The following AP2M1 variants were observed in gnomAD, a reference collection of about 807,000 sequenced individuals.
AP2M1 encodes the protein AP-2 complex subunit mu.
In AP2M1, 5 loss-of-function variants were observed where a neutral mutation model predicts 54.5. That is an observed-to-expected ratio of 0.09 (90% confidence interval 0.05 to 0.19). The LOEUF (loss-of-function observed/expected upper bound fraction) is 0.19, where lower values mean the gene tolerates loss of function less well. AP2M1 is among the 10% of genes least tolerant of loss of function. The probability of loss-of-function intolerance (pLI) is 1.00; values close to 1 mark genes in which losing one functional copy is unlikely to be tolerated. For missense variants in AP2M1, 178 were observed against 580.2 expected (o/e 0.31, Z 7.12); for synonymous variants, 186 against 208.2 (o/e 0.89, Z 0.92).
chr3:184,177,475 A>G lies in AP2M1; in HGVS notation c.74+408A>G, dbSNP rs1715111160. Reference sequence around the variant, plus strand: ...GCTCTCAGAAGCCCTTCCCATATCAAACGCCTTCACTGGATTCTGTTGAAA... The same window carrying G: ...GCTCTCAGAAGCCCTTCCCATATCAGACGCCTTCACTGGATTCTGTTGAAA... On this transcript the variant is annotated intron_variant, in intron 2 of 11. Transcript: ENST00000292807. 2.8e-6 allele frequency: 4 copies of G among 1,438,146 alleles called. No homozygotes were observed. The African/African-American group carries it at 5.6e-5, about 20-fold the overall frequency. The allele number at this position is 1,438,146 out of a possible 1,614,324, so 89.1% of individuals were successfully genotyped here.
intron 2 of AP2M1, chr3:184,177,632 CTG>C (rs1186275943): frequency 9.8e-6 from 15 of 1,533,608 alleles, no homozygotes; most frequent in Non-Finnish European, 1.3e-5. Context: ...CTCTGGGTCA[CTG>C]TGGGAGGGCA....
At position 184,183,374 on chromosome 3, in the gene AP2M1, C is replaced by T. The variant is rs1715336751; in HGVS notation, c.1174-108C>T. 1 of 1,517,934 alleles carries T rather than the reference C, an allele frequency of 6.6e-7. No homozygotes were observed. Among genetic ancestry groups the T allele is most frequent in the Non-Finnish European group, 8.9e-7 (1 of 1,125,190 alleles). 94.0% of individuals were successfully genotyped at this position (1,517,934 alleles called of 1,614,324 possible). A position where few individuals can be genotyped will look rare whatever the true frequency, so the allele number is the denominator to read the frequency against. ...CCCCAGCTTCTTTCAGGACCCCAGCCATACAAACACCTGTAGTAGCGATGA... is the reference window on the plus strand; with the variant it reads ...CCCCAGCTTCTTTCAGGACCCCAGCTATACAAACACCTGTAGTAGCGATGA... On this transcript the variant is annotated intron_variant, in intron 11 of 11. Transcript: ENST00000292807. This position sits in a 1 kb window ranked among gnomAD's most constrained non-coding sequence, Gnocchi z 5.7.
intron 3 of AP2M1, 62 bp downstream of exon 3, chr3:184,179,184 G>T: frequency 6.3e-7 from 1 of 1,584,176 alleles, no homozygotes; most frequent in Non-Finnish European, 8.6e-7. Flanking sequence ...GCTGGGCCTG[G>T]CCTGAAGGTG....
In AP2M1 at chr3:184,180,039, A is replaced by T; in HGVS notation, c.341-130A>T. On this transcript the variant is annotated intron_variant, in intron 3 of 11. Transcript: ENST00000292807. This position sits in a 1 kb window ranked among gnomAD's most constrained non-coding sequence, Gnocchi z 4.9. ...ACAAATCACAGAATAAATGCTACAA[A>T]GCTAGAAGACTTTCTTGCGGATGAT... 2.7e-6 allele frequency: 2 copies of T among 753,942 alleles called. No homozygotes were observed. Among genetic ancestry groups the T allele is most frequent in the East Asian group, 5.3e-5 (2 of 37,708 alleles). The allele number at this position is 753,942 out of a possible 1,614,324, so 46.7% of individuals were successfully genotyped here. A position where few individuals can be genotyped will look rare whatever the true frequency, so the allele number is the denominator to read the frequency against.
In AP2M1 at chr3:184,179,006, C is replaced by T; in HGVS notation, c.224C>T (p.Ala75Val). 6.2e-7 allele frequency: 1 copy of T among 1,614,228 alleles called. No individual in the cohort carries two copies. Among genetic ancestry groups the T allele is most frequent in the South Asian group, 1.1e-5 (1 of 91,084 alleles). Reference protein sequence around the residue: ...LAAVTKQNVNAAMVFEFLYKM... With the variant: ...LAAVTKQNVNVAMVFEFLYKM... ...GCAGTCACCAAGCAGAATGTCAACG[C>T]TGCCATGGTCTTCGAATTCCTCTAT... The change falls in exon 3 of 12, where the codon GCT becomes GTT. Residue 75 changes from alanine (A) to valine (V), a missense_variant. Physicochemically the swap from Ala to Val is moderately conservative, Grantham distance 64. Coordinates refer to ENST00000292807, the MANE Select transcript of AP2M1 (RefSeq NM_004068.4).
At position 184,180,507 on chromosome 3, in the gene AP2M1, T is replaced by C. The variant is rs1715237551; in HGVS notation, c.424-138T>C. 7.2e-7 allele frequency: 1 copy of C among 1,383,370 alleles called. No individual in the cohort carries two copies. Among genetic ancestry groups the C allele is most frequent in the African/African-American group, 1.4e-5 (1 of 69,194 alleles). The allele number at this position is 1,383,370 out of a possible 1,614,324, so 85.7% of individuals were successfully genotyped here. A position where few individuals can be genotyped will look rare whatever the true frequency, so the allele number is the denominator to read the frequency against. ...GCACTGAGGGGTGGGGGAGGAGGCC[T>C]GGTCTTGAGGCCTGGTATTCCTCAG... On this transcript the variant is annotated intron_variant, in intron 4 of 11. Transcript: ENST00000292807. The surrounding 1 kb of genome is among the most constrained non-coding windows in gnomAD (Gnocchi z 4.9).
intron 3 of AP2M1, among the ~76,000 whole-genome samples, chr3:184,179,765 A>G (rs1467452864): frequency 6.6e-6 from 1 of 151,274 alleles, no homozygotes; most frequent in Non-Finnish European, 1.5e-5. Context: ...GGCTCAAGCA[A>G]TCCTCCAGCC....
intron 2 of AP2M1, 53 bp downstream of exon 2, chr3:184,177,120 C>T (rs1381027864): frequency 1.9e-6 from 3 of 1,561,438 alleles, no homozygotes; most frequent in Non-Finnish European, 2.6e-6. Context: ...CCCCCAGCCC[C>T]AGCATACAGG....
In AP2M1 at chr3:184,180,160, T is replaced by C. The variant is rs1286558153; in HGVS notation, c.341-9T>C. 14 of 1,614,176 alleles carry C rather than the reference T, an allele frequency of 8.7e-6. No homozygotes were observed. In the African/African-American group the frequency reaches 1.9e-4, roughly 22 times the overall value. ...TGTCCAGGGGCTGATGGTTCCCTTC[T>C]TTTTGCAGAGATTCTAGACTTTGGC... is the stretch of plus-strand genomic sequence containing the variant. On this transcript the variant is annotated splice_polypyrimidine_tract_variant and intron_variant, in intron 3 of 11. Coordinates refer to ENST00000292807, the MANE Select transcript of AP2M1 (RefSeq NM_004068.4). This position sits in a 1 kb window ranked among gnomAD's most constrained non-coding sequence, Gnocchi z 4.9.
chr3:184,180,551 C>G lies in AP2M1; in HGVS notation c.424-94C>G. The stretch of plus-strand genomic sequence containing the variant: ...TCCTCAGGAGGAGCGAGCTTGGGCC[C>G]TCTCCTCTAGGATCCAAGCCTCATA... On this transcript the variant is annotated intron_variant, in intron 4 of 11. Transcript: ENST00000292807. The surrounding 1 kb of genome is among the most constrained non-coding windows in gnomAD (Gnocchi z 4.9). The G allele has an allele frequency of 6.3e-7, 1 of 1,597,496 alleles. No homozygotes were observed. Among genetic ancestry groups the G allele is most frequent in the South Asian group, 1.1e-5 (1 of 89,708 alleles).
In AP2M1 at chr3:184,179,131, G is replaced by A. The variant is rs1300678467; in HGVS notation, c.340+9G>A. ...ATATGAGCTGCTGGATGGTGAGGCT[G>A]GCGGGCTGGCACGGCAGCGGGCGTA... On this transcript the variant is annotated intron_variant, in intron 3 of 11. Coordinates refer to ENST00000292807, the MANE Select transcript of AP2M1 (RefSeq NM_004068.4). The A allele has an allele frequency of 3.7e-6, 6 of 1,609,986 alleles. No individual in the cohort carries two copies. In the Admixed American group the frequency reaches 8.3e-5, roughly 22 times the overall value.
rs1715311939 is a variant in AP2M1 at position 184,182,655 on chromosome 3, AC to A, written c.1062-100del. On this transcript the variant is annotated intron_variant, in intron 10 of 11. Coordinates refer to ENST00000292807, the MANE Select transcript of AP2M1 (RefSeq NM_004068.4). This position sits in a 1 kb window ranked among gnomAD's most constrained non-coding sequence, Gnocchi z 5.5. Reference sequence around the variant, plus strand: ...CCTGACCACTTCTCCTTGTTCTGGCACCTCCTGCAAGCTCCTGGGCTCTCTC... The same window carrying A: ...CCTGACCACTTCTCCTTGTTCTGGCACTCCTGCAAGCTCCTGGGCTCTCTC... 9.5e-6 allele frequency: 9 copies of A among 944,378 alleles called. No homozygotes were observed. In the Admixed American group the frequency reaches 1.8e-4, roughly 19 times the overall value. The allele number at this position is 944,378 out of a possible 1,614,324, so 58.5% of individuals were successfully genotyped here.
At chr3:184,176,697 T>TGGGGAGAGGGGGCGGGGGTTA in intron 1 of AP2M1, 2 of 456,848 alleles carry the variant, frequency 4.4e-6, no homozygotes, top group Non-Finnish European at 7.7e-6. Context: ...TTACTGATGC[T>TGGGGAGAGGGGGCGGGGGTTA]CAGCCCCAGG....
In AP2M1 at chr3:184,174,939, G is replaced by A. The variant is rs1715010374; in HGVS notation, c.-64G>A. 4 of 398,626 alleles carry A rather than the reference G, an allele frequency of 1.0e-5. No individual in the cohort carries two copies. The highest frequency in any genetic ancestry group is 6.2e-4 in the Middle Eastern group (1 of 1,616). The allele number at this position is 398,626 out of a possible 1,614,324, so 24.7% of individuals were successfully genotyped here. Reference sequence around the variant, plus strand: ...TCCGGAGAGTGGCCGGGCCGGCAGAGCAGGGGGCCGAGGACACCAGGTGAG... The same window carrying A: ...TCCGGAGAGTGGCCGGGCCGGCAGAACAGGGGGCCGAGGACACCAGGTGAG... On this transcript the variant is annotated 5_prime_UTR_variant, in exon 1 of 12. Coordinates refer to ENST00000292807, the MANE Select transcript of AP2M1 (RefSeq NM_004068.4).
chr3:184,182,932 C>A lies in AP2M1; in HGVS notation c.1173+64C>A. ...GCTGGAAGACCTCTTAGAGATCATT[C>A]CGATAAACTGCTGCACCTTAGAGGT... On this transcript the variant is annotated intron_variant, in intron 11 of 11. Coordinates refer to ENST00000292807, the MANE Select transcript of AP2M1 (RefSeq NM_004068.4). The surrounding 1 kb of genome is among the most constrained non-coding windows in gnomAD (Gnocchi z 5.5). The A allele has an allele frequency of 7.2e-7, 1 of 1,382,514 alleles. No homozygotes were observed. The highest frequency in any genetic ancestry group is 1.2e-5 in the South Asian group (1 of 83,860). 85.6% of individuals were successfully genotyped at this position (1,382,514 alleles called of 1,614,324 possible). A position where few individuals can be genotyped will look rare whatever the true frequency, so the allele number is the denominator to read the frequency against.
In AP2M1 at chr3:184,181,614, C is replaced by A; in HGVS notation, c.708-82C>A. On this transcript the variant is annotated intron_variant, in intron 7 of 11. Coordinates refer to ENST00000292807, the MANE Select transcript of AP2M1 (RefSeq NM_004068.4). This position sits in a 1 kb window ranked among gnomAD's most constrained non-coding sequence, Gnocchi z 5.7. Reference sequence around the variant, plus strand: ...TAGCAGCTTTTCATAGTCTCTGGTGCCAGCCTGGGGTGGAGTGGTCTCCCA... The same window carrying A: ...TAGCAGCTTTTCATAGTCTCTGGTGACAGCCTGGGGTGGAGTGGTCTCCCA... The A allele has an allele frequency of 6.4e-7, 1 of 1,551,796 alleles. No homozygotes were observed. The highest frequency in any genetic ancestry group is 8.8e-7 in the Non-Finnish European group (1 of 1,135,176).
chr3:184,178,075 G>A lies in AP2M1; in HGVS notation c.75-782G>A, dbSNP rs1011636417. 4.0e-5 allele frequency: 37 copies of A among 927,614 alleles called. No individual in the cohort carries two copies. In the African/African-American group the frequency reaches 4.5e-4, roughly 11 times the overall value. The allele number at this position is 927,614 out of a possible 1,614,324, so 57.5% of individuals were successfully genotyped here. ...GCAAGCCAAGGCCAGGTCACACGCC[G>A]CCTTGCCTGTCTTGTCTGCTTCTGC... On this transcript the variant is annotated intron_variant, in intron 2 of 11. Transcript: ENST00000292807. This position sits in a 1 kb window ranked among gnomAD's most constrained non-coding sequence, Gnocchi z 4.9.
chr3:184,175,301 C>G (rs1013645200), intron 1 of AP2M1, among the ~76,000 whole-genome samples: 1 of 152,110 alleles, frequency 6.6e-6, no homozygotes, highest in African/African-American at 2.4e-5. Context: ...TTCCCCGTCT[C>G]GTAGGACAGT....
Position 184,181,626 on chromosome 3 carries a change from G to A in AP2M1, c.708-70G>A. ...ATAGTCTCTGGTGCCAGCCTGGGGT[G>A]GAGTGGTCTCCCAGCATGACAGCTG... On this transcript the variant is annotated intron_variant, in intron 7 of 11. Transcript: ENST00000292807. This position sits in a 1 kb window ranked among gnomAD's most constrained non-coding sequence, Gnocchi z 5.7. The A allele has an allele frequency of 6.3e-7, 1 of 1,580,506 alleles. No individual in the cohort carries two copies. The highest frequency in any genetic ancestry group is 8.6e-7 in the Non-Finnish European group (1 of 1,156,820).
Sources: allele counts gnomAD v4.1 joint callset (sites outside exome capture counted in the v4.1 genomes callset), GRCh38; gene constraint gnomAD v4.1.1; non-coding constraint Gnocchi (gnomAD v3.1); transcripts MANE v1.5; gene names NCBI Gene and HGNC (gene_info 2026-07-23, HGNC 2026-07-21).